TTC31: variants seen among roughly 807,000 people sequenced by gnomAD.
The protein encoded by TTC31 is tetratricopeptide repeat domain 31, also known as tetratricopeptide repeat protein 31.
Under a neutral mutation model 60.4 loss-of-function variants are expected in TTC31, and 59 were observed. The ratio of observed to expected loss-of-function variants is 0.98; its 90% confidence interval spans 0.79 to 1.21. The LOEUF is 1.21. Ranked by LOEUF, TTC31 falls within the 50% of genes most tolerant of loss-of-function variation. The pLI is 0.00. For synonymous variants in TTC31, 225 were observed against 249.6 expected (o/e 0.90, Z 0.93); for missense variants, 672 against 646.9 (o/e 1.04, Z -0.42).
rs1430681142 is a variant in TTC31 at position 74,485,506 on chromosome 2, C to T, written c.129+2096C>T. 4.9e-5 allele frequency among the ~76,000 whole-genome samples: 7 copies of T among 143,072 alleles called. No homozygotes were observed. The East Asian group carries it at 1.0e-3, about 21-fold the overall frequency. 93.9% of individuals were successfully genotyped at this position (143,072 alleles called of 152,430 possible). The stretch of plus-strand genomic sequence containing the variant: ...TTTTTTTGAGATGGAGTTTTGCTCC[C>T]GTTGCCCAGGCTGGAGTGCAATGGT... On this transcript the variant is annotated intron_variant, in intron 2 of 12. Transcript: ENST00000233623.
At chr2:74,484,781 A>G (rs537061069) in intron 2 of TTC31, among the ~76,000 whole-genome samples, 1 of 152,048 alleles carries the variant, frequency 6.6e-6, no homozygotes, top group South Asian at 2.1e-4. Context: ...CGAAGGAGGG[A>G]CAGGATCAGA....
chr2:74,492,290 T>A lies in TTC31; in HGVS notation c.1020-14T>A. On this transcript the variant is annotated splice_polypyrimidine_tract_variant and intron_variant, in intron 10 of 12. Coordinates refer to ENST00000233623, the MANE Select transcript of TTC31 (RefSeq NM_022492.6). ...TGAGGACTCAGACCTTTGGCCACCTTCTGTCTTTATCAGGTTATTTGGAAA... is the reference window on the plus strand; with the variant it reads ...TGAGGACTCAGACCTTTGGCCACCTACTGTCTTTATCAGGTTATTTGGAAA... The A allele has an allele frequency of 6.2e-7, 1 of 1,602,876 alleles. No homozygotes were observed. Among genetic ancestry groups the A allele is most frequent in the Non-Finnish European group, 8.5e-7 (1 of 1,172,286 alleles).
In TTC31 at chr2:74,493,000, C is replaced by T; in HGVS notation, c.1342C>T (p.Pro448Ser). 6.2e-7 allele frequency: 1 copy of T among 1,614,164 alleles called. No individual in the cohort carries two copies. Among genetic ancestry groups the T allele is most frequent in the Non-Finnish European group, 8.5e-7 (1 of 1,180,004 alleles). The change falls in exon 13 of 13, where the codon CCC becomes TCC. Residue 448 changes from proline (P) to serine (S), a missense_variant. By Grantham distance (74) the Pro-to-Ser change is moderately conservative. Transcript: ENST00000233623. ...LQPLPHAELA[P>S]SGLPSLRCPR... ...GCCACTTCCCCATGCTGAGCTGGCA[C>T]CCTCAGGCCTACCTTCCCTCAGGTG... is the stretch of plus-strand genomic sequence containing the variant.
At position 74,485,454 on chromosome 2, in the gene TTC31, C is replaced by T. The variant is rs934835948; in HGVS notation, c.129+2044C>T. ...ACATTACATCCATAGCCTCATCTTC[C>T]CCTGAGCAGTATTTCTTTTTTTTTT... On this transcript the variant is annotated intron_variant, in intron 2 of 12. Transcript: ENST00000233623. Among the ~76,000 whole-genome samples the T allele has an allele frequency of 8.0e-5, 12 of 150,752 alleles. No homozygotes were observed. In the East Asian group the frequency reaches 2.3e-3, roughly 29 times the overall value.
Position 74,487,530 on chromosome 2 carries a change from A to T in TTC31, c.130-2495A>T, listed in dbSNP as rs562339238. Among the ~76,000 whole-genome samples the T allele has an allele frequency of 2.5e-3, 377 of 151,262 alleles. 2 individuals are homozygous for T. Among genetic ancestry groups the T allele is most frequent in the Middle Eastern group, 6.8e-3 (2 of 292 alleles). On this transcript the variant is annotated intron_variant, in intron 2 of 12. Transcript: ENST00000233623. ...ACTGCACCCGGCTTTTTATTTTTTT[A>T]AATTTATTTTTATTTTTTATTTTTA...
At position 74,490,171 on chromosome 2, in the gene TTC31, C is replaced by T. The variant is rs1464357798; in HGVS notation, c.232+44C>T. On this transcript the variant is annotated intron_variant, in intron 3 of 12. Coordinates refer to ENST00000233623, the MANE Select transcript of TTC31 (RefSeq NM_022492.6). ...GGGCCCAGGGATCGAGGCTGGTACC[C>T]TGGGAGGGCTGACCCTCAGATGCAC... 12 of 1,610,814 alleles carry T rather than the reference C, an allele frequency of 7.4e-6. No individual in the cohort carries two copies. In the East Asian group the frequency reaches 2.7e-4, roughly 36 times the overall value.
intron 2 of TTC31, 76 bp downstream of exon 2, chr2:74,483,486 C>T (rs1378724149): frequency 6.2e-7 from 1 of 1,605,442 alleles, no homozygotes; most frequent in Admixed American, 1.7e-5. Context: ...TGCAGAAACC[C>T]GCGACGGATG....
At chr2:74,490,202 T>C (rs1243950593) in intron 3 of TTC31, 42 bp from the exon 4 acceptor site, 2 of 1,611,432 alleles carry the variant, frequency 1.2e-6, no homozygotes, top group South Asian at 2.2e-5. Context: ...TGCACCCCGC[T>C]CTCATGTCCT....
At position 74,492,391 on chromosome 2, in the gene TTC31, G is replaced by A. The variant is rs754146970; in HGVS notation, c.1107G>A (p.Arg369=). The change falls in exon 11 of 13, where the codon CGG becomes CGA. Residue 369 remains arginine, a synonymous_variant. Coordinates refer to ENST00000233623, the MANE Select transcript of TTC31 (RefSeq NM_022492.6). ...ATGCCCAGGTGGCCCTTACCCTACG[G>A]CCTGGCTGGCCCCGGGGCCTCTTCC... ...LADAQVALTL[R]PGWPRGLFRL... 2.7e-5 allele frequency: 42 copies of A among 1,530,904 alleles called. No individual in the cohort carries two copies. Among genetic ancestry groups the A allele is most frequent in the Middle Eastern group, 3.5e-4 (2 of 5,662 alleles). 94.8% of individuals were successfully genotyped at this position (1,530,904 alleles called of 1,614,324 possible).
intron 6 of TTC31, 38 bp from the exon 7 acceptor site, chr2:74,491,257 G>A: frequency 6.2e-7 from 1 of 1,614,158 alleles, no homozygotes; most frequent in South Asian, 1.1e-5. Context: ...GGCAGCTCAA[G>A]GTGATCCCAA....
Position 74,493,563 on chromosome 2 carries a change from C to G in TTC31, c.*345C>G, listed in dbSNP as rs1017112595. ...TTCTCTTCCTCTTGGTCCAGGGGACCTCATTCACCAACTAGAGCTTGGTGT... is the reference window on the plus strand; with the variant it reads ...TTCTCTTCCTCTTGGTCCAGGGGACGTCATTCACCAACTAGAGCTTGGTGT... On this transcript the variant is annotated 3_prime_UTR_variant, in exon 13 of 13. Transcript: ENST00000233623. 1.4e-5 allele frequency: 3 copies of G among 210,186 alleles called. No individual in the cohort carries two copies. The highest frequency in any genetic ancestry group is 6.9e-5 in the African/African-American group (3 of 43,172). The allele number at this position is 210,186 out of a possible 1,614,324, so 13.0% of individuals were successfully genotyped here.
At chr2:74,488,849 G>A (rs1048173278) in intron 2 of TTC31, among the ~76,000 whole-genome samples, 3 of 152,182 alleles carry the variant, frequency 2.0e-5, no homozygotes, top group Non-Finnish European at 4.4e-5. Context: ...TGGATCACTT[G>A]AGGTCAAGAG....
In TTC31 at chr2:74,493,267, G is replaced by C. The variant is rs1267083084; in HGVS notation, c.*49G>C. 1 of 1,569,830 alleles carries C rather than the reference G, an allele frequency of 6.4e-7. No individual in the cohort carries two copies. Among genetic ancestry groups the C allele is most frequent in the Non-Finnish European group, 8.7e-7 (1 of 1,146,184 alleles). On this transcript the variant is annotated 3_prime_UTR_variant, in exon 13 of 13. Coordinates refer to ENST00000233623, the MANE Select transcript of TTC31 (RefSeq NM_022492.6). ...CAGGGCCATGTATATATCCCTTGGT[G>C]GGGGACATAGTGTGGTGACAGTTCA...
chr2:74,488,119 C>T (rs1313564293), intron 2 of TTC31, among the ~76,000 whole-genome samples: 2 of 152,110 alleles, frequency 1.3e-5, no homozygotes, highest in African/African-American at 4.8e-5. Context: ...GGACTATAGG[C>T]GTCCGCACCA....
Position 74,492,976 on chromosome 2 carries a change from C to A in TTC31, c.1318C>A (p.Pro440Thr). ...ACCTCTGTCACCTGGGGCCCTCCAG[C>A]CACTTCCCCATGCTGAGCTGGCACC... Reference protein sequence around the residue: ...APPLSPGALQPLPHAELAPSG... With the variant: ...APPLSPGALQTLPHAELAPSG... The change falls in exon 13 of 13, where the codon CCA (proline) becomes ACA (threonine). Residue 440 changes from proline (P) to threonine (T), a missense_variant. Physicochemically the swap from Pro to Thr is conservative, Grantham distance 38 (BLOSUM62 -1). Transcript: ENST00000233623. 1 of 1,613,844 alleles carries A rather than the reference C, an allele frequency of 6.2e-7. No homozygotes were observed. Among genetic ancestry groups the A allele is most frequent in the Non-Finnish European group, 8.5e-7 (1 of 1,179,792 alleles).
At chr2:74,491,956 G>A (rs1249441346) in intron 8 of TTC31, 48 bp from the exon 9 acceptor site, 1 of 1,613,530 alleles carries the variant, frequency 6.2e-7, no homozygotes, top group African/African-American at 1.3e-5. Flanking sequence ...GAAGGATTTG[G>A]GGAGGCTGAG....
At chr2:74,490,614 CCT>C (rs766168565) in intron 4 of TTC31, 40 bp from the exon 5 acceptor site, 215 of 1,602,440 alleles carry the variant, frequency 1.3e-4, no homozygotes, top group Non-Finnish European at 1.8e-4. Context: ...TCTCCATTTC[CCT>C]GTTTCTCTCT....
intron 4 of TTC31, 42 bp downstream of exon 4, chr2:74,490,515 T>C: frequency 1.3e-6 from 2 of 1,552,918 alleles, no homozygotes; most frequent in Non-Finnish European, 1.7e-6. Context: ...CCCAGGGTTC[T>C]TTCAATCCCT....
chr2:74,492,584 A>C (rs1674050236), intron 11 of TTC31, 62 bp from the exon 12 acceptor site: 3 of 1,593,366 alleles, frequency 1.9e-6, no homozygotes, highest in Non-Finnish European at 1.7e-6. Context: ...CCAGTTTTAG[A>C]AAGGGTACTT....
Sources: gnomAD v4.1 joint callset for allele counts (sites outside exome capture counted in the v4.1 genomes callset) on GRCh38, gnomAD v4.1.1 for gene constraint, MANE v1.5 for transcripts, NCBI Gene and HGNC (gene_info 2026-07-23, HGNC 2026-07-21) for gene names.